The following TNR variants were observed in gnomAD, a reference collection of about 807,000 sequenced individuals.
TNR encodes tenascin-R.
TNR carries 45 observed loss-of-function variants against 150.4 expected under a neutral mutation model. The ratio of observed to expected loss-of-function variants is 0.30; its 90% CI spans 0.24 to 0.38. The LOEUF (loss-of-function observed/expected upper bound fraction) is 0.38. Among genes scored for constraint, TNR ranks in the 10% least tolerant of loss-of-function variants. TNR has a pLI of 1.00. For missense variants in TNR, 1,544 were observed against 1,759.1 expected (o/e 0.88, Z 2.19); for synonymous variants, 687 against 678.4 (o/e 1.01, Z -0.20).
At chr1:175,553,849 A>C (rs7535615) in intron 1 of TNR, among the ~76,000 whole-genome samples, 31 of 70,616 alleles carry the variant, frequency 4.4e-4, no homozygotes, top group Non-Finnish European at 7.9e-4. Flanking sequence ...CACACACACA[A>C]ACAATAATTA....
chr1:175,611,548 G>C (rs1346594298), intron 1 of TNR, among the ~76,000 whole-genome samples: 1 of 152,082 alleles, frequency 6.6e-6, no homozygotes, highest in South Asian at 2.1e-4. Context: ...TGCTCAGGCT[G>C]TTCTGCAACT....
intron 1 of TNR, among the ~76,000 whole-genome samples, chr1:175,627,502 T>C (rs1664190079): frequency 6.6e-6 from 1 of 152,224 alleles, no homozygotes; most frequent in Non-Finnish European, 1.5e-5. Flanking sequence ...TCTATTATTA[T>C]ATCAGTTACT....
chr1:175,431,993 G>C (rs1043175128), intron 2 of TNR, among the ~76,000 whole-genome samples: 2 of 144,986 alleles, frequency 1.4e-5, no homozygotes, highest in African/African-American at 5.2e-5. Context: ...TTCTTCCAAG[G>C]CTTGAGACCT....
At chr1:175,733,558 C>T (rs749870812) in intron 1 of TNR, among the ~76,000 whole-genome samples, 35 of 151,592 alleles carry the variant, frequency 2.3e-4, no homozygotes, top group Non-Finnish European at 3.8e-4. Context: ...AAAACACAAA[C>T]GAAAAAAAGG....
At chr1:175,494,455 A>G (rs1426082699) in intron 2 of TNR, among the ~76,000 whole-genome samples, 1 of 152,136 alleles carries the variant, frequency 6.6e-6, no homozygotes, top group African/African-American at 2.4e-5. Context: ...TTGATTTTGC[A>G]TTTGGTTCAA....
Position 175,365,142 on chromosome 1 carries a change from C to T in TNR, c.2455G>A (p.Glu819Lys). Residue 819 changes from glutamate (E) to lysine (K), a missense_variant, in exon 12 of 23, where the codon GAG becomes AAG. Physicochemically the swap from Glu to Lys is moderately conservative, Grantham distance 56. Transcript: ENST00000367674. Reference protein sequence around the residue: ...SPRDEEEEMMEVSLDATKRHA... With the variant: ...SPRDEEEEMMKVSLDATKRHA... ...CTCTTGGTGGCATCCAGGGAGACCT[C>T]CATCATCTCTTCCTCCTCATCCCTG... The T allele has an allele frequency of 6.2e-7, 1 of 1,614,116 alleles. No homozygotes were observed. Among genetic ancestry groups the T allele is most frequent in the Non-Finnish European group, 8.5e-7 (1 of 1,180,006 alleles).
chr1:175,541,769 T>C lies in TNR; in HGVS notation c.-164-13400A>G, dbSNP rs747971231. Among the ~76,000 whole-genome samples, 8 of 152,280 alleles carry C rather than the reference T, an allele frequency of 5.3e-5. 1 individual carries two copies. Among genetic ancestry groups the C allele is most frequent in the African/African-American group, 1.9e-4 (8 of 41,544 alleles). ...CATGTATTTGAGTTGGAGTTCTGCTTAGGGTTCAACCCCACCCCTGGCTCT... is the reference window on the plus strand; with the variant it reads ...CATGTATTTGAGTTGGAGTTCTGCTCAGGGTTCAACCCCACCCCTGGCTCT... On this transcript the variant is annotated intron_variant, in intron 1 of 22. Transcript: ENST00000367674.
chr1:175,542,367 G>C (rs2102190635), intron 1 of TNR, among the ~76,000 whole-genome samples: 1 of 152,294 alleles, frequency 6.6e-6, no homozygotes, highest in African/African-American at 2.4e-5. Context: ...CCCACCTCGG[G>C]TTCCTGTGGC....
chr1:175,399,315 C>T (rs779073142), intron 4 of TNR, among the ~76,000 whole-genome samples: 2 of 152,148 alleles, frequency 1.3e-5, no homozygotes, highest in African/African-American at 2.4e-5. Context: ...AACAAATCAG[C>T]GTATTCCTTT....
chr1:175,612,140 T>C (rs770743596), intron 1 of TNR, among the ~76,000 whole-genome samples: 2 of 152,118 alleles, frequency 1.3e-5, no homozygotes, highest in Non-Finnish European at 2.9e-5. Context: ...GGTTGGGTTT[T>C]TGGGGGAGCA....
chr1:175,501,947 T>C (rs1257902781), intron 2 of TNR, among the ~76,000 whole-genome samples: 1 of 152,012 alleles, frequency 6.6e-6, no homozygotes, highest in Non-Finnish European at 1.5e-5. Flanking sequence ...TTCAGTGTAG[T>C]AGGAGTTATG....
intron 2 of TNR, among the ~76,000 whole-genome samples, chr1:175,410,629 T>C (rs966608714): frequency 2.6e-5 from 4 of 152,184 alleles, no homozygotes; most frequent in African/African-American, 9.7e-5. Flanking sequence ...AGTGAGGCCA[T>C]GGCACTAGTT....
Position 175,365,999 on chromosome 1 carries a change from G to T in TNR, c.2193C>A (p.Thr731=), listed in dbSNP as rs775462429. Residue 731 remains threonine (T), a synonymous_variant, in exon 11 of 23, where the codon ACC becomes ACA. Transcript: ENST00000367674. The part of the protein sequence containing the change: ...TPSSGIASEV[T]VPKDRTSYTL... The stretch of plus-strand genomic sequence containing the variant: ...TGTATGAGGTCCTGTCCTTGGGTAC[G>T]GTGACTTCTGAGGCAATCCCAGAGG... The T allele has an allele frequency of 3.7e-6, 6 of 1,614,102 alleles. No homozygotes were observed. Among genetic ancestry groups the T allele is most frequent in the Non-Finnish European group, 5.1e-6 (6 of 1,180,008 alleles).
At chr1:175,434,534 A>G (rs1477816930) in intron 2 of TNR, among the ~76,000 whole-genome samples, 1 of 152,192 alleles carries the variant, frequency 6.6e-6, no homozygotes, top group Non-Finnish European at 1.5e-5. Context: ...TAATTCAAAA[A>G]AAGTTTATCA....
chr1:175,496,964 C>T (rs755957435), intron 2 of TNR, among the ~76,000 whole-genome samples: 15 of 152,182 alleles, frequency 9.9e-5, no homozygotes, highest in Admixed American at 2.0e-4. Flanking sequence ...GCCTTTCCCC[C>T]GTAAGTCCTA....
intron 1 of TNR, among the ~76,000 whole-genome samples, chr1:175,651,528 T>C (rs1465376348): frequency 1.3e-5 from 2 of 152,016 alleles, no homozygotes; most frequent in Non-Finnish European, 2.9e-5. Context: ...ATAAAATATA[T>C]ACACTTCAAA....
intron 1 of TNR, among the ~76,000 whole-genome samples, chr1:175,607,781 G>T (rs1162373090): frequency 6.6e-6 from 1 of 152,200 alleles, no homozygotes; most frequent in African/African-American, 2.4e-5. Flanking sequence ...TAGGCAAGCT[G>T]GTTGGTATAT....
At chr1:175,401,309 T>C (rs192462524) in intron 4 of TNR, among the ~76,000 whole-genome samples, 12 of 152,232 alleles carry the variant, frequency 7.9e-5, no homozygotes, top group Non-Finnish European at 1.2e-4. Flanking sequence ...CGCTACAGAA[T>C]AGCATTAACA....
intron 20 of TNR, among the ~76,000 whole-genome samples, chr1:175,335,117 A>T (rs1462416309): frequency 6.6e-6 from 1 of 152,232 alleles, no homozygotes; most frequent in Non-Finnish European, 1.5e-5. Flanking sequence ...AGGTCATAAT[A>T]AATGGACCAC....
Sources: allele counts gnomAD v4.1 joint callset (sites outside exome capture counted in the v4.1 genomes callset), GRCh38; gene constraint gnomAD v4.1.1; transcripts MANE v1.5; gene names NCBI Gene and HGNC (gene_info 2026-07-23, HGNC 2026-07-21).